Variants in ADAM12 observed in about 807,000 individuals in gnomAD.
ADAM12 encodes the protein disintegrin and metalloproteinase domain-containing protein 12.
A neutral mutation model predicts 106.4 loss-of-function variants in ADAM12; 70 were observed. That is an observed-to-expected ratio of 0.66 (90% confidence interval 0.54 to 0.80). ADAM12 has a LOEUF of 0.80. ADAM12 is among the 30% of genes least tolerant of loss of function. ADAM12 has a pLI of 0.00. For missense variants in ADAM12, 1,010 were observed against 1,171.9 expected (o/e 0.86, Z 2.02); for synonymous variants, 420 against 433.5 (o/e 0.97, Z 0.39).
chr10:126,357,338 ACTC>A (rs1855576737), intron 1 of ADAM12, among the ~76,000 whole-genome samples: 2 of 152,082 alleles, frequency 1.3e-5, no homozygotes. Flanking sequence ...GGAAAAAAAA[ACTC>A]CTGTCTACCA....
intron 2 of ADAM12, among the ~76,000 whole-genome samples, chr10:126,298,314 A>G (rs1960469547): frequency 2.0e-5 from 3 of 152,232 alleles, no homozygotes; most frequent in Admixed American, 6.5e-5. Context: ...GCCACACTTC[A>G]TATGTTCAAG....
intron 1 of ADAM12, among the ~76,000 whole-genome samples, chr10:126,368,004 TA>T (rs1204827628): frequency 6.6e-6 from 1 of 151,888 alleles, no homozygotes; most frequent in South Asian, 2.1e-4. Context: ...AAAACAGACA[TA>T]AAATCCTTAA....
intron 14 of ADAM12, among the ~76,000 whole-genome samples, chr10:126,062,989 C>A (rs74158100): frequency 0.023 from 3,524 of 152,324 alleles, 142 homozygotes; most frequent in African/African-American, 0.081. Context: ...AGCCCAAACA[C>A]CATTCAATGT....
chr10:126,101,546 T>TACATACAGATGTAC (rs1288994949), intron 8 of ADAM12, among the ~76,000 whole-genome samples: 4 of 152,242 alleles, frequency 2.6e-5, no homozygotes, highest in Non-Finnish European at 4.4e-5. Context: ...ATTTAAAATG[T>TACATACAGATGTAC]ACATACAGAT....
chr10:126,253,496 A>G (rs1299342194), intron 3 of ADAM12, among the ~76,000 whole-genome samples: 1 of 152,242 alleles, frequency 6.6e-6, no homozygotes, highest in African/African-American at 2.4e-5. Context: ...AATAGCCACT[A>G]AGCAGCTGTC....
At chr10:126,129,151 G>A (rs1022763823) in intron 5 of ADAM12, among the ~76,000 whole-genome samples, 1 of 152,248 alleles carries the variant, frequency 6.6e-6, no homozygotes, top group Non-Finnish European at 1.5e-5. Flanking sequence ...AGCTTCAGTC[G>A]AACCTCTGTG....
chr10:126,097,016 C>T (rs998656597), intron 10 of ADAM12, among the ~76,000 whole-genome samples: 6 of 152,066 alleles, frequency 3.9e-5, no homozygotes, highest in Admixed American at 6.6e-5. Context: ...TGAAGAAAGC[C>T]GCTTACTCTG....
chr10:126,133,656 G>C (rs1001569281), intron 5 of ADAM12, among the ~76,000 whole-genome samples: 3 of 152,152 alleles, frequency 2.0e-5, no homozygotes, highest in Middle Eastern at 3.2e-3. Flanking sequence ...CCATCACTGG[G>C]GGGGAGGCCA....
chr10:126,098,943 C>T (rs1204555602), intron 9 of ADAM12, among the ~76,000 whole-genome samples: 1 of 152,188 alleles, frequency 6.6e-6, no homozygotes. Context: ...CTGCCAGACA[C>T]CCAAATTCTT....
In ADAM12 at chr10:126,242,231, C is replaced by T. The variant is rs146509671; in HGVS notation, c.260+36684G>A. On this transcript the variant is annotated intron_variant, in intron 3 of 22. Coordinates refer to ENST00000448723, the MANE Select transcript of ADAM12 (RefSeq NM_001288973.2). Reference sequence around the variant, plus strand: ...AGATCCTAACACTTTAGTTTTAAGACTGTTTTCTCCCCAGACTCTGTCAAG... The same window carrying T: ...AGATCCTAACACTTTAGTTTTAAGATTGTTTTCTCCCCAGACTCTGTCAAG... Among the ~76,000 whole-genome samples the T allele has an allele frequency of 3.3e-5, 5 of 152,296 alleles. No individual in the cohort carries two copies. In the East Asian group the frequency reaches 9.6e-4, roughly 29 times the overall value.
At chr10:126,282,288 C>T (rs185224898) in intron 2 of ADAM12, among the ~76,000 whole-genome samples, 1 of 152,052 alleles carries the variant, frequency 6.6e-6, no homozygotes, top group Non-Finnish European at 1.5e-5. Context: ...TTTTAAAGGG[C>T]CTTTCTCCAA....
chr10:126,357,676 CAAG>C (rs1258870994), intron 1 of ADAM12, among the ~76,000 whole-genome samples: 2 of 152,088 alleles, frequency 1.3e-5, no homozygotes, highest in African/African-American at 2.4e-5. Context: ...ATGGCAGCAG[CAAG>C]AAGAAGTGCC....
intron 1 of ADAM12, among the ~76,000 whole-genome samples, chr10:126,370,005 C>T (rs1753168146): frequency 1.3e-5 from 2 of 152,140 alleles, no homozygotes; most frequent in African/African-American, 2.4e-5. Flanking sequence ...AAGCAAGCTT[C>T]TATATTGGAG....
At chr10:126,089,914 C>T (rs914868563) in intron 11 of ADAM12, among the ~76,000 whole-genome samples, 1 of 152,134 alleles carries the variant, frequency 6.6e-6, no homozygotes, top group Non-Finnish European at 1.5e-5. Context: ...TCCTTTGCTT[C>T]CTTCACAGCA....
intron 3 of ADAM12, among the ~76,000 whole-genome samples, chr10:126,186,895 G>C (rs137877367): frequency 4.1e-4 from 62 of 152,248 alleles, no homozygotes; most frequent in African/African-American, 1.4e-3. Flanking sequence ...AGCAGCTCTG[G>C]GAAGCAGGCA....
chr10:126,069,033 C>T (rs1394660960), intron 12 of ADAM12, among the ~76,000 whole-genome samples: 2 of 152,156 alleles, frequency 1.3e-5, no homozygotes, highest in East Asian at 3.9e-4. Flanking sequence ...TGTCGTAACA[C>T]ACTGGGTCCC....
At chr10:126,161,044 C>A (rs914764874) in intron 3 of ADAM12, among the ~76,000 whole-genome samples, 4 of 152,174 alleles carry the variant, frequency 2.6e-5, no homozygotes, top group Non-Finnish European at 4.4e-5. Flanking sequence ...CCACTATTAG[C>A]CCCCATCGCA....
intron 2 of ADAM12, among the ~76,000 whole-genome samples, chr10:126,301,476 A>G (rs1256092284): frequency 1.3e-5 from 2 of 152,190 alleles, no homozygotes; most frequent in Admixed American, 1.3e-4. Flanking sequence ...AGTGCATTTA[A>G]TATGGGGAGG....
At chr10:126,157,001 T>C (rs1389882917) in intron 3 of ADAM12, among the ~76,000 whole-genome samples, 1 of 149,208 alleles carries the variant, frequency 6.7e-6, no homozygotes, top group African/African-American at 2.4e-5. Context: ...CTCTCCACTC[T>C]TCACACCGTT....
Sources: gnomAD v4.1 joint callset for allele counts (sites outside exome capture counted in the v4.1 genomes callset) on GRCh38, gnomAD v4.1.1 for gene constraint, MANE v1.5 for transcripts, NCBI Gene and HGNC (gene_info 2026-07-23, HGNC 2026-07-21) for gene names.